Variants in EDIL3 observed in about 807,000 individuals in gnomAD.
The protein encoded by EDIL3 is EGF-like repeat and discoidin I-like domain-containing protein 3.
In EDIL3, 37 loss-of-function variants were observed where a neutral mutation model predicts 67.4. That is an observed-to-expected ratio of 0.55 (90% CI 0.42 to 0.72). EDIL3 has a LOEUF of 0.72. Among genes scored for constraint, EDIL3 ranks in the 30% least tolerant of loss-of-function variants. The probability of loss-of-function intolerance (pLI) is 0.00; values close to 1 mark genes in which losing one functional copy is unlikely to be tolerated. For synonymous variants in EDIL3, 195 were observed against 196.3 expected, an observed-to-expected ratio of 0.99 and a Z score of 0.05; for missense variants, 527 against 586.3, an observed-to-expected ratio of 0.90 and a Z score of 1.04.
Position 84,254,221 on chromosome 5 carries a change from T to TA in EDIL3, c.68-10dup, listed in dbSNP as rs565463034. The TA allele has an allele frequency of 1.7e-3, 2,630 of 1,514,564 alleles. 2 individuals are homozygous for TA. The highest frequency in any genetic ancestry group is 0.017 in the East Asian group (723 of 42,106). The allele number at this position is 1,514,564 out of a possible 1,614,324, so 93.8% of individuals were successfully genotyped here. On this transcript the variant is annotated splice_polypyrimidine_tract_variant and intron_variant, in intron 1 of 10. Transcript: ENST00000296591. ...GGGATCACAAATATCACCTAAGGCA[T>TA]AAAAAAAAACCGAAATTGACATTTT...
chr5:83,955,797 T>C (rs1321399829), intron 10 of EDIL3, among the ~76,000 whole-genome samples: 3 of 151,806 alleles, frequency 2.0e-5, no homozygotes, highest in Non-Finnish European at 2.9e-5. Flanking sequence ...TTTTGCTCTT[T>C]TGTCTTTTAA....
At chr5:84,187,670 G>C (rs1743493744) in intron 3 of EDIL3, among the ~76,000 whole-genome samples, 1 of 152,050 alleles carries the variant, frequency 6.6e-6, no homozygotes. Flanking sequence ...GTTATCTTCA[G>C]TGTTGCCTTT....
chr5:84,161,537 C>T (rs1053356790), intron 4 of EDIL3, among the ~76,000 whole-genome samples: 1 of 151,984 alleles, frequency 6.6e-6, no homozygotes, highest in African/African-American at 2.4e-5. Flanking sequence ...TTGTTTCTAC[C>T]TGATCCTGAA....
At chr5:84,056,229 C>T (rs902002540) in intron 9 of EDIL3, among the ~76,000 whole-genome samples, 2 of 152,152 alleles carry the variant, frequency 1.3e-5, no homozygotes, top group African/African-American at 2.4e-5. Flanking sequence ...GGACAAAAAA[C>T]CAAACACCGC....
chr5:84,179,495 A>G (rs1437648662), intron 4 of EDIL3, among the ~76,000 whole-genome samples: 2 of 152,350 alleles, frequency 1.3e-5, no homozygotes, highest in Middle Eastern at 3.4e-3. Flanking sequence ...CCAAAGTCAC[A>G]GAGCCTGAAG....
At chr5:84,160,506 G>T (rs1748583721) in intron 4 of EDIL3, among the ~76,000 whole-genome samples, 1 of 151,864 alleles carries the variant, frequency 6.6e-6, no homozygotes, top group South Asian at 2.1e-4. Context: ...GAATATTAAC[G>T]ACATTAAAAC....
intron 3 of EDIL3, among the ~76,000 whole-genome samples, chr5:84,220,931 A>AT (rs1744329619): frequency 8.7e-6 from 1 of 114,466 alleles, no homozygotes; most frequent in East Asian, 2.6e-4. Context: ...ACTAAGATAA[A>AT]TTTTCGCCAC....
At chr5:84,239,498 T>C (rs1401407845) in intron 2 of EDIL3, among the ~76,000 whole-genome samples, 2 of 152,170 alleles carry the variant, frequency 1.3e-5, no homozygotes, top group African/African-American at 4.8e-5. Context: ...TGCAGGTTTG[T>C]TACATATGTA....
chr5:84,120,557 A>G (rs1580336739), intron 5 of EDIL3, among the ~76,000 whole-genome samples: 1 of 152,114 alleles, frequency 6.6e-6, no homozygotes, highest in South Asian at 2.1e-4. Context: ...TAAAAAGAGC[A>G]ATTTTTTTCC....
intron 9 of EDIL3, among the ~76,000 whole-genome samples, chr5:83,966,787 T>A (rs1238844373): frequency 6.6e-6 from 1 of 152,070 alleles, no homozygotes; most frequent in Non-Finnish European, 1.5e-5. Flanking sequence ...AAGACTTTGG[T>A]AACATCATGA....
intron 6 of EDIL3, among the ~76,000 whole-genome samples, chr5:84,098,227 C>T (rs970252777): frequency 3.3e-5 from 5 of 151,894 alleles, no homozygotes; most frequent in Non-Finnish European, 5.9e-5. Context: ...TTTCAATTTT[C>T]GTTTCATCAA....
At chr5:83,967,330 A>G (rs1375393731) in intron 9 of EDIL3, among the ~76,000 whole-genome samples, 1 of 152,164 alleles carries the variant, frequency 6.6e-6, no homozygotes, top group Non-Finnish European at 1.5e-5. Context: ...CAAAATAAAT[A>G]AAATAAATAA....
intron 4 of EDIL3, among the ~76,000 whole-genome samples, chr5:84,142,028 C>T (rs1306130720): frequency 2.7e-5 from 4 of 149,348 alleles, no homozygotes; most frequent in Non-Finnish European, 5.9e-5. Context: ...TTAGGCAATT[C>T]ACCTTATGCA....
At chr5:84,102,038 T>C (rs1407941740) in intron 6 of EDIL3, among the ~76,000 whole-genome samples, 1 of 151,900 alleles carries the variant, frequency 6.6e-6, no homozygotes, top group Non-Finnish European at 1.5e-5. Flanking sequence ...TAAGAGTGAA[T>C]AATCACATAA....
At chr5:83,997,560 TGA>T (rs1745256439) in intron 9 of EDIL3, among the ~76,000 whole-genome samples, 2 of 152,152 alleles carry the variant, frequency 1.3e-5, no homozygotes, top group South Asian at 4.1e-4. Flanking sequence ...TGGAACACGT[TGA>T]GTTTGAAATA....
intron 1 of EDIL3, among the ~76,000 whole-genome samples, chr5:84,304,228 T>C (rs1039740357): frequency 6.6e-6 from 1 of 152,188 alleles, no homozygotes; most frequent in East Asian, 1.9e-4. Context: ...AAAGCTGAAC[T>C]GGTAACAAAA....
At chr5:84,137,496 A>T in intron 4 of EDIL3, 142 bp from the exon 5 acceptor site, 1 of 630,568 alleles carries the variant, frequency 1.6e-6, no homozygotes, top group Non-Finnish European at 2.7e-6. Flanking sequence ...TTTAGTCAGT[A>T]ATACAAATGC....
intron 4 of EDIL3, among the ~76,000 whole-genome samples, chr5:84,179,307 C>G (rs1748974312): frequency 6.6e-6 from 1 of 152,282 alleles, no homozygotes; most frequent in East Asian, 1.9e-4. Flanking sequence ...TGGGCCCAAC[C>G]TGAGAAAAAT....
At chr5:84,063,665 C>A (rs546491343) in intron 8 of EDIL3, among the ~76,000 whole-genome samples, 4 of 152,020 alleles carry the variant, frequency 2.6e-5, no homozygotes, top group Admixed American at 1.3e-4. Flanking sequence ...ATAAAGTATG[C>A]GCTTTAACCT....
Sources: allele counts gnomAD v4.1 joint callset (sites outside exome capture counted in the v4.1 genomes callset), GRCh38; gene constraint gnomAD v4.1.1; transcripts MANE v1.5; gene names NCBI Gene and HGNC (gene_info 2026-07-23, HGNC 2026-07-21).